The following ARMH3 variants were observed in gnomAD, a reference collection of about 807,000 sequenced individuals.
The protein encoded by ARMH3 is armadillo like helical domain containing 3, also known as armadillo-like helical domain-containing protein 3.
Under a neutral mutation model 99.1 loss-of-function variants are expected in ARMH3, and 60 were observed. That is an observed-to-expected ratio of 0.61 (90% CI 0.49 to 0.75). The LOEUF is 0.75. Ranked by LOEUF, ARMH3 falls within the 30% of genes least tolerant of loss-of-function variation. The probability of loss-of-function intolerance (pLI) is 0.00; values close to 1 mark genes in which losing one functional copy is unlikely to be tolerated. For missense variants in ARMH3, 679 were observed against 843.1 expected (o/e 0.81, Z 2.41); for synonymous variants, 285 against 292.8 (o/e 0.97, Z 0.27).
Position 101,891,720 on chromosome 10 carries a change from C to T in ARMH3, c.1782-2230G>A, listed in dbSNP as rs547241240. Among the ~76,000 whole-genome samples the T allele has an allele frequency of 1.1e-4, 16 of 152,250 alleles. 1 individual carries two copies. In the South Asian group the frequency reaches 2.3e-3, roughly 22 times the overall value. Reference sequence around the variant, plus strand: ...CATGTACCTTGGTGACATAAAATGACGGAAATTAGGCTGAGGGTATCCAGG... The same window carrying T: ...CATGTACCTTGGTGACATAAAATGATGGAAATTAGGCTGAGGGTATCCAGG... On this transcript the variant is annotated intron_variant, in intron 23 of 25. Coordinates refer to ENST00000370033, the MANE Select transcript of ARMH3 (RefSeq NM_024541.3).
At chr10:101,872,203 T>G (rs1311044929) in intron 24 of ARMH3, among the ~76,000 whole-genome samples, 1 of 151,858 alleles carries the variant, frequency 6.6e-6, no homozygotes, top group Non-Finnish European at 1.5e-5. Context: ...AGCTACTGAC[T>G]TGGAGAAAAT....
chr10:102,054,648 C>A (rs2067792699), intron 1 of ARMH3, among the ~76,000 whole-genome samples: 1 of 152,148 alleles, frequency 6.6e-6, no homozygotes, highest in South Asian at 2.1e-4. Context: ...ATCATATTTA[C>A]CCTAGTTTAC....
intron 24 of ARMH3, among the ~76,000 whole-genome samples, chr10:101,852,944 C>T (rs185071642): frequency 4.0e-5 from 6 of 151,146 alleles, no homozygotes; most frequent in East Asian, 3.9e-4. Flanking sequence ...AGTGCAATGG[C>T]GCTATCTCAG....
At chr10:101,970,586 C>T (rs1293951895) in intron 20 of ARMH3, among the ~76,000 whole-genome samples, 2 of 152,062 alleles carry the variant, frequency 1.3e-5, no homozygotes, top group Non-Finnish European at 2.9e-5. Context: ...ATTTGGGAGG[C>T]CAAAGCAGGC....
At chr10:102,027,156 G>T (rs2067017599) in intron 5 of ARMH3, among the ~76,000 whole-genome samples, 1 of 151,954 alleles carries the variant, frequency 6.6e-6, no homozygotes, top group Admixed American at 6.6e-5. Context: ...GCGCATGCCT[G>T]TAATCCCAGC....
At chr10:101,929,841 A>G (rs1177800743) in intron 23 of ARMH3, among the ~76,000 whole-genome samples, 2 of 152,210 alleles carry the variant, frequency 1.3e-5, no homozygotes, top group African/African-American at 2.4e-5. Flanking sequence ...CATAAAACAT[A>G]GGCTGAATAT....
chr10:101,855,765 T>A (rs1279419039), intron 24 of ARMH3, among the ~76,000 whole-genome samples: 1 of 147,290 alleles, frequency 6.8e-6, no homozygotes, highest in Non-Finnish European at 1.5e-5. Flanking sequence ...ATGTATTATA[T>A]ATAAATATAT....
chr10:101,978,896 C>A (rs879405022), intron 19 of ARMH3, among the ~76,000 whole-genome samples: 2 of 151,342 alleles, frequency 1.3e-5, no homozygotes, highest in East Asian at 1.9e-4. Flanking sequence ...GCCAAGATGG[C>A]GCCACTGCAC....
At chr10:102,016,273 CCTTT>C (rs1394907888) in intron 8 of ARMH3, among the ~76,000 whole-genome samples, 1 of 152,198 alleles carries the variant, frequency 6.6e-6, no homozygotes, top group Non-Finnish European at 1.5e-5. Flanking sequence ...ATGAGCACTT[CCTTT>C]GAGTGTCATG....
intron 22 of ARMH3, among the ~76,000 whole-genome samples, chr10:101,953,710 C>A (rs1196636617): frequency 2.6e-5 from 4 of 151,724 alleles, no homozygotes; most frequent in South Asian, 2.1e-4. Flanking sequence ...ACAACAACAA[C>A]AAAAAAGTGG....
At chr10:102,053,336 TA>T (rs1475112882) in intron 1 of ARMH3, among the ~76,000 whole-genome samples, 1 of 152,006 alleles carries the variant, frequency 6.6e-6, no homozygotes, top group Non-Finnish European at 1.5e-5. Context: ...TTCTGAGATT[TA>T]AAATAATTTT....
intron 23 of ARMH3, among the ~76,000 whole-genome samples, chr10:101,932,906 G>T (rs1016817937): frequency 1.3e-5 from 2 of 152,202 alleles, no homozygotes; most frequent in Admixed American, 6.5e-5. Flanking sequence ...GTTAAAATGG[G>T]CCAGGAGCGG....
chr10:102,035,962 C>A (rs1436608279), intron 2 of ARMH3, among the ~76,000 whole-genome samples: 4 of 151,784 alleles, frequency 2.6e-5, no homozygotes, highest in East Asian at 3.9e-4. Flanking sequence ...AAGTGAGGAG[C>A]GTCTCTGCCC....
chr10:102,009,613 T>C (rs1399573215), intron 12 of ARMH3, among the ~76,000 whole-genome samples, 164 bp from the exon 13 acceptor site: 2 of 152,220 alleles, frequency 1.3e-5, no homozygotes, highest in South Asian at 2.1e-4. Context: ...CAAAAGTGTA[T>C]AGGCAGGAGT....
At chr10:102,055,027 A>C (rs930895283) in intron 1 of ARMH3, among the ~76,000 whole-genome samples, 12 of 126,978 alleles carry the variant, frequency 9.5e-5, no homozygotes, top group African/African-American at 2.7e-4. Flanking sequence ...AAACAAACAA[A>C]CAAAAAAAAA....
chr10:101,945,787 A>G lies in ARMH3; in HGVS notation c.1706-5849T>C, dbSNP rs1193403168. ...TGAGTGTATACAACATAACATTAAA[A>G]ATGTCCAGGAGGAGGCCAGGCTCGG... On this transcript the variant is annotated intron_variant, in intron 22 of 25. Transcript: ENST00000370033. Among the ~76,000 whole-genome samples, 7 of 151,728 alleles carry G rather than the reference A, an allele frequency of 4.6e-5. No individual in the cohort carries two copies. In the East Asian group the frequency reaches 1.2e-3, roughly 25 times the overall value.
intron 22 of ARMH3, among the ~76,000 whole-genome samples, chr10:101,944,119 G>A (rs1844367702): frequency 6.7e-6 from 1 of 149,036 alleles, no homozygotes. Flanking sequence ...GAAGACTGAG[G>A]AAAATTTGAA....
intron 24 of ARMH3, among the ~76,000 whole-genome samples, chr10:101,868,400 T>C (rs2067055386): frequency 6.6e-6 from 1 of 152,226 alleles, no homozygotes; most frequent in South Asian, 2.1e-4. Context: ...ACTGGTACCA[T>C]ATAGCAACAT....
intron 19 of ARMH3, among the ~76,000 whole-genome samples, chr10:101,977,028 T>G (rs1440308067): frequency 6.6e-6 from 1 of 152,166 alleles, no homozygotes; most frequent in Non-Finnish European, 1.5e-5. Context: ...TAAATTCTAT[T>G]TATATTAAAA....
Sources: gnomAD v4.1 joint callset for allele counts (sites outside exome capture counted in the v4.1 genomes callset) on GRCh38, gnomAD v4.1.1 for gene constraint, MANE v1.5 for transcripts, NCBI Gene and HGNC (gene_info 2026-07-23, HGNC 2026-07-21) for gene names.